TIAM2: variants seen among roughly 807,000 people sequenced by gnomAD.
TIAM2 encodes the protein TIAM Rac1 associated GEF 2, also known as rho guanine nucleotide exchange factor TIAM2.
TIAM2 carries 80 observed loss-of-function variants against 152.9 expected under a neutral mutation model. The ratio of observed to expected loss-of-function variants is 0.52; its 90% CI spans 0.44 to 0.63. TIAM2 has a LOEUF of 0.63. Among genes scored for constraint, TIAM2 ranks in the 30% least tolerant of loss-of-function variants. The pLI, the probability that TIAM2 is intolerant of heterozygous loss-of-function variation, is 0.00. For missense variants in TIAM2, 1,965 were observed against 2,120.1 expected (o/e 0.93, Z 1.44); for synonymous variants, 804 against 838.0 (o/e 0.96, Z 0.70).
chr6:155,044,335 G>A (rs896037349), intron 1 of TIAM2, among the ~76,000 whole-genome samples: 1 of 152,164 alleles, frequency 6.6e-6, no homozygotes, highest in African/African-American at 2.4e-5. Flanking sequence ...TAGGGCACAC[G>A]ATAGGACCAT....
chr6:155,065,108 C>T (rs533737994), intron 1 of TIAM2, among the ~76,000 whole-genome samples: 1 of 152,088 alleles, frequency 6.6e-6, no homozygotes, highest in Non-Finnish European at 1.5e-5. Flanking sequence ...CACCCGACAC[C>T]ACGCCCGGCT....
intron 5 of TIAM2, among the ~76,000 whole-genome samples, chr6:155,144,092 G>A (rs950531497): frequency 1.3e-5 from 2 of 152,186 alleles, no homozygotes; most frequent in East Asian, 1.9e-4. Context: ...GCTCTCCCTC[G>A]TTCCTCTCCA....
In TIAM2 at chr6:155,129,321, G is replaced by A. The variant is rs758358565; in HGVS notation, c.98G>A (p.Arg33His). 82 of 1,614,064 alleles carry A rather than the reference G, an allele frequency of 5.1e-5. No individual in the cohort carries two copies. The highest frequency in any genetic ancestry group is 1.6e-4 in the Middle Eastern group (1 of 6,084). ...AKQIPCSLKI[R>H]GIHAKEEKSL... ...CAAATTCCTTGCTCCCTGAAAATAC[G>A]TGGCATTCATGCAAAAGAGGAAAAG... is the stretch of plus-strand genomic sequence containing the variant. The change falls in exon 4 of 27, where the codon CGT becomes CAT. Residue 33 changes from arginine (R) to histidine (H), a missense_variant. Physicochemically the swap from Arg to His is conservative, Grantham distance 29. Transcript: ENST00000682666. This position sits in a 1 kb window ranked among gnomAD's most constrained non-coding sequence, Gnocchi z 4.8.
Position 155,254,015 on chromosome 6 carries a change from C to T in TIAM2, c.4268C>T (p.Ser1423Leu). Residue 1423 changes from serine to leucine, a missense_variant, in exon 25 of 27, where the codon TCA (serine) becomes TTA (leucine). Physicochemically the swap from Ser to Leu is moderately radical, Grantham distance 145 (BLOSUM62 -2). Coordinates refer to ENST00000682666, the MANE Select transcript of TIAM2 (RefSeq NM_012454.4). The stretch of plus-strand genomic sequence containing the variant: ...ATATGGGAACTGATCCATACGAAGT[C>T]AGAAATAGAAGGACGGCCAGAAACC... The part of the protein sequence containing the change: ...NSIWELIHTK[S>L]EIEGRPETIF... The T allele has an allele frequency of 6.2e-7, 1 of 1,614,072 alleles. No individual in the cohort carries two copies. Among genetic ancestry groups the T allele is most frequent in the Non-Finnish European group, 8.5e-7 (1 of 1,179,994 alleles).
intron 7 of TIAM2, among the ~76,000 whole-genome samples, chr6:155,158,638 T>A (rs6557406): frequency 0.47 from 71,299 of 151,424 alleles, 17,308 homozygotes; most frequent in Middle Eastern, 0.55. Context: ...CACTGCAGCC[T>A]CAACCTCCTG....
chr6:155,091,990 C>G (rs549710224), intron 2 of TIAM2, among the ~76,000 whole-genome samples: 1 of 152,182 alleles, frequency 6.6e-6, no homozygotes, highest in African/African-American at 2.4e-5. Flanking sequence ...CTCGACCACC[C>G]GGGATCAAGC....
intron 20 of TIAM2, 61 bp downstream of exon 20, chr6:155,248,240 C>T (rs1040577924): frequency 7.6e-5 from 118 of 1,548,644 alleles, no homozygotes; most frequent in Non-Finnish European, 9.3e-5. Context: ...GGCTGCCAGC[C>T]GTGCCCTGGG....
At chr6:155,155,417 C>A (rs977115020) in intron 7 of TIAM2, among the ~76,000 whole-genome samples, 1 of 152,182 alleles carries the variant, frequency 6.6e-6, no homozygotes, top group Non-Finnish European at 1.5e-5. Flanking sequence ...CCGCCTGCCT[C>A]AGCCTCCCAA....
At chr6:155,144,876 A>T in intron 6 of TIAM2, 98 bp downstream of exon 6, 1 of 1,370,586 alleles carries the variant, frequency 7.3e-7, no homozygotes, top group Non-Finnish European at 9.9e-7. Flanking sequence ...TTGAATAAAT[A>T]CTTAGTTAGG....
chr6:155,197,322 T>G (rs1280367672), intron 14 of TIAM2, among the ~76,000 whole-genome samples: 2 of 152,250 alleles, frequency 1.3e-5, no homozygotes, highest in Admixed American at 6.5e-5. Context: ...TTTGTGAAGT[T>G]TAGGCATCTT....
At chr6:155,076,931 G>T (rs1184263354) in intron 1 of TIAM2, among the ~76,000 whole-genome samples, 1 of 152,132 alleles carries the variant, frequency 6.6e-6, no homozygotes, top group East Asian at 1.9e-4. Flanking sequence ...CCTGACCTCG[G>T]ATGATCCACC....
chr6:155,118,962 A>AG (rs1170839483), intron 2 of TIAM2, among the ~76,000 whole-genome samples: 1 of 151,952 alleles, frequency 6.6e-6, no homozygotes. Context: ...TAAAAAAAAA[A>AG]AAAATCTTGT....
chr6:155,257,108 A>G lies in TIAM2; in HGVS notation c.5093A>G (p.His1698Arg). ...GAGTGTTTTTATGAAACAGAGAGCC[A>G]CGGAAAATCATAGTATGATTCAATC... ...SEECFYETESHGKS is the reference protein window; with the variant it reads ...SEECFYETESRGKS The change falls in exon 27 of 27, where the codon CAC becomes CGC. Residue 1698 changes from histidine (H) to arginine (R), a missense_variant. Coordinates refer to ENST00000682666, the MANE Select transcript of TIAM2 (RefSeq NM_012454.4). The G allele has an allele frequency of 1.2e-6, 2 of 1,613,394 alleles. No homozygotes were observed. Among genetic ancestry groups the G allele is most frequent in the Non-Finnish European group, 1.7e-6 (2 of 1,179,840 alleles).
chr6:155,179,434 G>C lies in TIAM2; in HGVS notation c.2685G>C (p.Lys895Asn), dbSNP rs199773084. Reference sequence around the variant, plus strand: ...ATGTTTATGACGTGCAGCTCACGAAGACTGGGAGTGTGTGTGACTTTGGTG... The same window carrying C: ...ATGTTTATGACGTGCAGCTCACGAACACTGGGAGTGTGTGTGACTTTGGTG... Reference protein sequence around the residue: ...PLNVYDVQLTKTGSVCDFGFA... With the variant: ...PLNVYDVQLTNTGSVCDFGFA... Residue 895 changes from lysine to asparagine, a missense_variant, in exon 12 of 27, where the codon AAG (lysine) becomes AAC (asparagine). This residue lies in a region of TIAM2 where 1,025 missense variants were observed against 1,119.4 expected (regional missense o/e 0.92). Coordinates refer to ENST00000682666, the MANE Select transcript of TIAM2 (RefSeq NM_012454.4). The C allele has an allele frequency of 6.8e-6, 11 of 1,613,272 alleles. No homozygotes were observed. The highest frequency in any genetic ancestry group is 2.2e-5 in the East Asian group (1 of 44,874).
At chr6:155,116,757 G>C (rs917593138) in intron 2 of TIAM2, among the ~76,000 whole-genome samples, 25 of 152,152 alleles carry the variant, frequency 1.6e-4, no homozygotes, top group African/African-American at 6.0e-4. Context: ...ACCTTGGGAA[G>C]TGCTTACCCA....
rs117427900 is a variant in TIAM2 at position 155,042,558 on chromosome 6, C to T, written c.-209+47066C>T. Among the ~76,000 whole-genome samples, 301 of 152,290 alleles carry T rather than the reference C, an allele frequency of 2.0e-3. 8 individuals carry two copies. In the East Asian group the frequency reaches 0.048, roughly 24 times the overall value. On this transcript the variant is annotated intron_variant, in intron 1 of 26. Coordinates refer to ENST00000682666, the MANE Select transcript of TIAM2 (RefSeq NM_012454.4). The stretch of plus-strand genomic sequence containing the variant: ...GTTGCTGTGAGCTGGGATCGCGCCG[C>T]TGCAGTCCAGCCTGTGTGACAGAGT...
intron 21 of TIAM2, chr6:155,250,687 A>G: frequency 7.0e-7 from 1 of 1,433,844 alleles, no homozygotes; most frequent in Admixed American, 2.0e-5. Flanking sequence ...ATGTGCGTGC[A>G]CTGGAGCAAA....
chr6:155,187,245 G>C (rs917831861), intron 14 of TIAM2, among the ~76,000 whole-genome samples: 3 of 151,948 alleles, frequency 2.0e-5, no homozygotes, highest in African/African-American at 2.4e-5. Context: ...TCAGTTTCAA[G>C]TGGGAAAAAA....
chr6:155,238,981 G>C lies in TIAM2; in HGVS notation c.3169-1549G>C, dbSNP rs1478587217. 2.6e-5 allele frequency among the ~76,000 whole-genome samples: 4 copies of C among 152,240 alleles called. No individual in the cohort carries two copies. In the East Asian group the frequency reaches 7.7e-4, roughly 29 times the overall value. On this transcript the variant is annotated intron_variant, in intron 15 of 26. Coordinates refer to ENST00000682666, the MANE Select transcript of TIAM2 (RefSeq NM_012454.4). Reference sequence around the variant, plus strand: ...TTGGTGGGGGTTGGGGCATAGAACAGAGAGGGCAGTTGAGAGTGGCCTCTT... The same window carrying C: ...TTGGTGGGGGTTGGGGCATAGAACACAGAGGGCAGTTGAGAGTGGCCTCTT...
Sources: gnomAD v4.1 joint callset for allele counts (sites outside exome capture counted in the v4.1 genomes callset) on GRCh38, gnomAD v4.1.1 for gene constraint, gnomAD v4.1.1 regional missense constraint, Gnocchi (gnomAD v3.1) non-coding constraint, MANE v1.5 for transcripts, NCBI Gene and HGNC (gene_info 2026-07-23, HGNC 2026-07-21) for gene names.